MTMR3: variants seen among roughly 807,000 people sequenced by gnomAD.
MTMR3 encodes the protein myotubularin related protein 3.
A neutral mutation model predicts 132.4 loss-of-function variants in MTMR3; 32 were observed. The observed-to-expected ratio is 0.24, with a 90% confidence interval of 0.18 to 0.32. The LOEUF (loss-of-function observed/expected upper bound fraction) is 0.32, where lower values mean the gene tolerates loss of function less well. Among genes scored for constraint, MTMR3 ranks in the 10% least tolerant of loss-of-function variants. MTMR3 has a pLI of 1.00. For missense variants in MTMR3, 1,216 were observed against 1,489.6 expected (o/e 0.82, Z 3.02); for synonymous variants, 556 against 550.3 (o/e 1.01, Z -0.14).
intron 11 of MTMR3, chr22:30,008,711 C>T: frequency 7.9e-6 from 2 of 252,432 alleles, no homozygotes; most frequent in Non-Finnish European, 7.5e-6. Context: ...AGATAAGGCC[C>T]AAGAAGTAAA....
chr22:30,007,415 T>C (rs1470258404), intron 10 of MTMR3, 96 bp downstream of exon 10: 18 of 1,235,740 alleles, frequency 1.5e-5, no homozygotes, highest in South Asian at 5.6e-5. Context: ...GATTTACTTT[T>C]ATAGAAGTGA....
At chr22:29,889,945 C>T (rs148643788) in intron 1 of MTMR3, among the ~76,000 whole-genome samples, 2,338 of 123,280 alleles carry the variant, frequency 0.019, 64 homozygotes, top group African/African-American at 0.069. Context: ...CTCACTTTGT[C>T]GCCCAGGCTG....
chr22:29,909,926 C>T (rs908256422), intron 1 of MTMR3, among the ~76,000 whole-genome samples: 15 of 151,948 alleles, frequency 9.9e-5, no homozygotes, highest in African/African-American at 1.7e-4. Flanking sequence ...GAGGCCGAGG[C>T]GGGCGGATCA....
Position 29,910,714 on chromosome 22 carries a change from C to CT in MTMR3, c.-138+27369dup, listed in dbSNP as rs78265367. On this transcript the variant is annotated intron_variant, in intron 1 of 19. Coordinates refer to ENST00000401950, the MANE Select transcript of MTMR3 (RefSeq NM_021090.4). ...TAAATTGACTTTTATGCCTCTTTTCCTTTTTTTTTTTTTTAACCTGTTAAG... is the reference window on the plus strand; with the variant it reads ...TAAATTGACTTTTATGCCTCTTTTCCTTTTTTTTTTTTTTTAACCTGTTAAG... Among the ~76,000 whole-genome samples, 1,300 of 139,322 alleles carry CT rather than the reference C, an allele frequency of 9.3e-3. 8 individuals are homozygous for CT. The highest frequency in any genetic ancestry group is 0.028 in the African/African-American group (1,077 of 38,210). The allele number at this position is 139,322 out of a possible 152,430, so 91.4% of individuals were successfully genotyped here.
At chr22:29,960,260 A>T (rs2066284398) in intron 2 of MTMR3, among the ~76,000 whole-genome samples, 1 of 152,214 alleles carries the variant, frequency 6.6e-6, no homozygotes, top group Non-Finnish European at 1.5e-5. Flanking sequence ...GCTGTGAAGG[A>T]TAAAGGATAT....
In MTMR3 at chr22:30,030,250, C is replaced by T. The variant is rs563899569; in HGVS notation, c.*4449C>T. 9 of 152,360 alleles carry T rather than the reference C, an allele frequency of 5.9e-5. No individual in the cohort carries two copies. Among genetic ancestry groups the T allele is most frequent in the African/African-American group, 2.2e-4 (9 of 41,538 alleles). The allele number at this position is 152,360 out of a possible 1,614,324, so 9.4% of individuals were successfully genotyped here. On this transcript the variant is annotated 3_prime_UTR_variant, in exon 20 of 20. Coordinates refer to ENST00000401950, the MANE Select transcript of MTMR3 (RefSeq NM_021090.4). ...ACTAGTCAGTTTTTCTTACAGTGCT[C>T]ATAGCAGTTGTATTTGAATTGTATT...
Position 30,019,966 on chromosome 22 carries a change from G to C in MTMR3, c.2307G>C (p.Gln769His), listed in dbSNP as rs774320095. ...PLFSQGISEQQSGLSVLLSSL... is the reference protein window; with the variant it reads ...PLFSQGISEQHSGLSVLLSSL... ...TCTCACAGGGCATTTCTGAACAGCA[G>C]AGTGGGCTCAGTGTTCTCCTCAGTT... Residue 769 changes from glutamine (Q) to histidine (H), a missense_variant, in exon 17 of 20, where the codon CAG becomes CAC. By Grantham distance (24) the Gln-to-His change is conservative. Coordinates refer to ENST00000401950, the MANE Select transcript of MTMR3 (RefSeq NM_021090.4). 9 of 1,614,214 alleles carry C rather than the reference G, an allele frequency of 5.6e-6. No homozygotes were observed. Among genetic ancestry groups the C allele is most frequent in the East Asian group, 2.2e-5 (1 of 44,878 alleles).
At chr22:29,906,495 AT>A (rs61528298) in intron 1 of MTMR3, among the ~76,000 whole-genome samples, 136,080 of 148,250 alleles carry the variant, frequency 0.92, 62,482 homozygotes, top group East Asian at 1. Context: ...TACCTGGCTA[AT>A]TTTTTTTTTT....
intron 7 of MTMR3, chr22:29,993,430 T>C (rs1462440440): frequency 6.6e-6 from 1 of 152,158 alleles, no homozygotes; most frequent in Non-Finnish European, 1.5e-5. Flanking sequence ...TTATTAAATT[T>C]TTAGTTTCTA....
Position 30,020,607 on chromosome 22 carries a change from A to G in MTMR3, c.2948A>G (p.His983Arg). 3 of 1,614,210 alleles carry G rather than the reference A, an allele frequency of 1.9e-6. No individual in the cohort carries two copies. Among genetic ancestry groups the G allele is most frequent in the Non-Finnish European group, 1.7e-6 (2 of 1,180,036 alleles). Reference sequence around the variant, plus strand: ...TCTGCTATGAGCTGCAGCTCTGCCCACTTACACTCAAGGAACTTGCACCAC... The same window carrying G: ...TCTGCTATGAGCTGCAGCTCTGCCCGCTTACACTCAAGGAACTTGCACCAC... ...QLSAMSCSSA[H>R]LHSRNLHHKW... Residue 983 changes from histidine (H) to arginine (R), a missense_variant, in exon 17 of 20, where the codon CAC becomes CGC. Transcript: ENST00000401950.
At chr22:29,899,986 T>C (rs1412449226) in intron 1 of MTMR3, among the ~76,000 whole-genome samples, 2 of 152,236 alleles carry the variant, frequency 1.3e-5, no homozygotes, top group South Asian at 4.1e-4. Flanking sequence ...TAGCTTTTGA[T>C]GTAACTTTTC....
intron 1 of MTMR3, among the ~76,000 whole-genome samples, chr22:29,956,467 T>A (rs1404833703): frequency 6.6e-6 from 1 of 151,630 alleles, no homozygotes; most frequent in African/African-American, 2.4e-5. Flanking sequence ...GGCTGGTCTC[T>A]AACTCCTGAC....
chr22:29,920,981 T>TTG (rs554695706), intron 1 of MTMR3, among the ~76,000 whole-genome samples: 2 of 81,096 alleles, frequency 2.5e-5, no homozygotes. Flanking sequence ...TAGGGGGTGG[T>TTG]GGGGGTGGCG....
At chr22:29,896,778 CAG>C (rs1304656778) in intron 1 of MTMR3, among the ~76,000 whole-genome samples, 8 of 151,678 alleles carry the variant, frequency 5.3e-5, no homozygotes, top group Non-Finnish European at 8.8e-5. Flanking sequence ...CAAATTTCAA[CAG>C]TGCAAAAACT....
intron 4 of MTMR3, 31 bp from the exon 5 acceptor site, chr22:29,978,905 A>G (rs1258466280): frequency 2.0e-6 from 3 of 1,490,020 alleles, no homozygotes; most frequent in Non-Finnish European, 2.8e-6. Context: ...TAACTGCTTC[A>G]GAACTCTGAA....
At chr22:30,020,969 A>G in intron 17 of MTMR3, 85 bp downstream of exon 17, 1 of 1,316,764 alleles carries the variant, frequency 7.6e-7, no homozygotes, top group Non-Finnish European at 1.0e-6. Flanking sequence ...GTGCATGGTG[A>G]TTGGTACAGG....
chr22:29,978,743 T>A (rs2066680356), intron 4 of MTMR3, among the ~76,000 whole-genome samples, 193 bp from the exon 5 acceptor site: 1 of 152,172 alleles, frequency 6.6e-6, no homozygotes, highest in Non-Finnish European at 1.5e-5. Context: ...CTTTAGTAGT[T>A]CAGAATTTGA....
At chr22:29,918,419 G>A (rs185684757) in intron 1 of MTMR3, among the ~76,000 whole-genome samples, 1 of 152,308 alleles carries the variant, frequency 6.6e-6, no homozygotes, top group Admixed American at 6.5e-5. Context: ...TTTGATAGCA[G>A]GTAGTAGCTC....
At chr22:30,024,440 G>A (rs956942730) in intron 19 of MTMR3, 4 of 152,210 alleles carry the variant, frequency 2.6e-5, no homozygotes, top group Non-Finnish European at 5.9e-5. Context: ...ACGCTTTTTA[G>A]AACTAGTTAC....
Sources: allele counts gnomAD v4.1 joint callset (sites outside exome capture counted in the v4.1 genomes callset), GRCh38; gene constraint gnomAD v4.1.1; transcripts MANE v1.5; gene names NCBI Gene and HGNC (gene_info 2026-07-23, HGNC 2026-07-21).